The following PDE1A variants were observed in gnomAD, a reference collection of about 807,000 sequenced individuals.
PDE1A encodes the protein dual specificity calcium/calmodulin-dependent 3',5'-cyclic nucleotide phosphodiesterase 1A.
Under a neutral mutation model 61.7 loss-of-function variants are expected in PDE1A, and 35 were observed. That is an observed-to-expected ratio of 0.57 (90% CI 0.43 to 0.75). The LOEUF (loss-of-function observed/expected upper bound fraction) is 0.75. Among genes scored for constraint, PDE1A ranks in the 30% least tolerant of loss-of-function variants. The pLI is 0.00. For synonymous variants in PDE1A, 232 were observed against 213.2 expected, an observed-to-expected ratio of 1.09 and a Z score of -0.77; for missense variants, 597 against 630.6, an observed-to-expected ratio of 0.95 and a Z score of 0.57.
chr2:182,678,499 C>T, the PDE1A span, among the ~76,000 whole-genome samples: 9 of 152,036 alleles, frequency 5.9e-5, no homozygotes, highest in African/African-American at 1.4e-4. Flanking sequence ...AATTGCTTTC[C>T]ATTGCTTAAT....
At chr2:182,347,937 G>A (rs953356568) in intron 1 of PDE1A, among the ~76,000 whole-genome samples, 5 of 152,068 alleles carry the variant, frequency 3.3e-5, no homozygotes, top group African/African-American at 9.7e-5. Context: ...GTAGTACAGC[G>A]TTTTCTTTGA....
chr2:182,350,055 G>A (rs1330190580), intron 1 of PDE1A, among the ~76,000 whole-genome samples: 1 of 151,954 alleles, frequency 6.6e-6, no homozygotes, highest in Non-Finnish European at 1.5e-5. Context: ...TCCTCTTTCA[G>A]TACTTATCCT....
At chr2:182,609,687 C>T in the PDE1A span, among the ~76,000 whole-genome samples, 1 of 152,256 alleles carries the variant, frequency 6.6e-6, no homozygotes, top group African/African-American at 2.4e-5. Flanking sequence ...CTGTAACACT[C>T]ACCGCGAGGG....
chr2:182,395,697 C>T (rs1309700980), intron 1 of PDE1A, among the ~76,000 whole-genome samples: 2 of 152,028 alleles, frequency 1.3e-5, no homozygotes, highest in African/African-American at 4.8e-5. Flanking sequence ...CCATATGATC[C>T]AGCAGATCCA....
intron 1 of PDE1A, among the ~76,000 whole-genome samples, chr2:182,345,430 T>C (rs1698460968): frequency 6.6e-6 from 1 of 152,214 alleles, no homozygotes; most frequent in African/African-American, 2.4e-5. Flanking sequence ...GTCTCTTAGC[T>C]TTCCATCATC....
intron 1 of PDE1A, among the ~76,000 whole-genome samples, chr2:182,292,296 A>T (rs1224198986): frequency 6.6e-6 from 1 of 152,044 alleles, no homozygotes; most frequent in African/African-American, 2.4e-5. Flanking sequence ...TTTTATGCCT[A>T]AATTTTCAAC....
chr2:182,279,856 G>GT (rs1033274312), intron 1 of PDE1A, among the ~76,000 whole-genome samples: 2 of 151,404 alleles, frequency 1.3e-5, no homozygotes, highest in Non-Finnish European at 1.5e-5. Context: ...TACTTTGATT[G>GT]TTTTTTTCTG....
At chr2:182,240,111 T>C (rs934606725) in exon 3 of PDE1A, 7 of 1,612,000 alleles carry the variant, frequency 4.3e-6, no homozygotes, top group Non-Finnish European at 5.9e-6. Flanking sequence ...TTCACTTACC[T>C]TTCCACAAAA....
At chr2:182,592,735 GC>G in the PDE1A span, among the ~76,000 whole-genome samples, 469 of 152,244 alleles carry the variant, frequency 3.1e-3, 3 homozygotes, top group African/African-American at 0.011. Flanking sequence ...GGTCAGGGTG[GC>G]AGAGGTTTTA....
chr2:182,399,241 C>T (rs943057760), intron 1 of PDE1A, among the ~76,000 whole-genome samples: 1 of 151,764 alleles, frequency 6.6e-6, no homozygotes, highest in African/African-American at 2.4e-5. Flanking sequence ...TTATATGCTA[C>T]AAAATAATGC....
chr2:182,707,873 G>T, the PDE1A span, among the ~76,000 whole-genome samples: 1 of 152,156 alleles, frequency 6.6e-6, no homozygotes, highest in Non-Finnish European at 1.5e-5. Flanking sequence ...AGGGAGGAGA[G>T]AATAAGGAGA....
intron 13 of PDE1A, chr2:182,185,658 AGCAC>A: frequency 1.6e-6 from 1 of 618,312 alleles, no homozygotes; most frequent in Non-Finnish European, 2.7e-6. Flanking sequence ...CCAGTTTGCC[AGCAC>A]CCACTGACAC....
chr2:182,679,189 TTA>T, the PDE1A span, among the ~76,000 whole-genome samples: 2 of 132,494 alleles, frequency 1.5e-5, no homozygotes, highest in South Asian at 2.2e-4. Context: ...ATTATTATTA[TTA>T]TTTTTTTTTT....
chr2:182,188,500 GC>G (rs1163060077), intron 11 of PDE1A, among the ~76,000 whole-genome samples: 19 of 152,178 alleles, frequency 1.2e-4, no homozygotes, highest in African/African-American at 3.4e-4. Context: ...GTGGTTGGGA[GC>G]ATTATCATTT....
intron 1 of PDE1A, among the ~76,000 whole-genome samples, chr2:182,396,033 C>T (rs1574544989): frequency 6.6e-6 from 1 of 152,184 alleles, no homozygotes; most frequent in East Asian, 1.9e-4. Flanking sequence ...CGCGATCAGG[C>T]TTGAGCAGGT....
At chr2:182,647,771 G>A in the PDE1A span, among the ~76,000 whole-genome samples, 3 of 152,106 alleles carry the variant, frequency 2.0e-5, no homozygotes, top group Admixed American at 1.3e-4. Flanking sequence ...GTTCAATTTA[G>A]CATAAGAAGC....
downstream of PDE1A, among the ~76,000 whole-genome samples, chr2:182,167,269 C>T (rs2125310670): frequency 6.6e-6 from 1 of 152,216 alleles, no homozygotes; most frequent in Non-Finnish European, 1.5e-5. Context: ...TTATAGCCCA[C>T]ACCACTACAA....
the PDE1A span, among the ~76,000 whole-genome samples, chr2:182,703,264 T>C: frequency 2.0e-5 from 3 of 152,342 alleles, no homozygotes; most frequent in Non-Finnish European, 2.9e-5. Flanking sequence ...TAGATTAATT[T>C]CAATTTACAT....
At chr2:182,521,336 ATTCT>A (rs1169703150) in intron 2 of PDE1A, among the ~76,000 whole-genome samples, 2 of 152,156 alleles carry the variant, frequency 1.3e-5, no homozygotes, top group East Asian at 3.9e-4. Context: ...ATAGTGTAGG[ATTCT>A]TTCAGCTGTT....
Sources: allele counts gnomAD v4.1 joint callset (sites outside exome capture counted in the v4.1 genomes callset), GRCh38; gene constraint gnomAD v4.1.1; transcripts MANE v1.5; gene names NCBI Gene and HGNC (gene_info 2026-07-23, HGNC 2026-07-21).